The following CLINT1 variants were observed in gnomAD, a reference collection of about 807,000 sequenced individuals.
CLINT1 encodes clathrin interacting protein localized in the trans-Golgi region.
Under a neutral mutation model 70.4 loss-of-function variants are expected in CLINT1, and 15 were observed. That is an observed-to-expected ratio of 0.21 (90% CI 0.14 to 0.33). The LOEUF is 0.33. Among genes scored for constraint, CLINT1 ranks in the 10% least tolerant of loss-of-function variants. The pLI, the probability that CLINT1 is intolerant of heterozygous loss-of-function variation, is 1.00. For synonymous variants in CLINT1, 227 were observed against 254.7 expected, an observed-to-expected ratio of 0.89 and a Z score of 1.04; for missense variants, 615 against 778.1, an observed-to-expected ratio of 0.79 and a Z score of 2.49.
intron 1 of CLINT1, among the ~76,000 whole-genome samples, chr5:157,851,686 CAA>C (rs34229522): frequency 3.0e-4 from 27 of 88,930 alleles, no homozygotes; most frequent in Admixed American, 3.8e-4. Flanking sequence ...GACCCCGTCT[CAA>C]AAAAAAAAAA....
intron 1 of CLINT1, among the ~76,000 whole-genome samples, chr5:157,854,795 C>T (rs1014716592): frequency 6.6e-6 from 1 of 152,018 alleles, no homozygotes; most frequent in African/African-American, 2.4e-5. Flanking sequence ...AAATGGACTA[C>T]CCATAGCTGT....
chr5:157,851,080 C>T (rs1022424811), intron 1 of CLINT1, among the ~76,000 whole-genome samples: 4 of 152,268 alleles, frequency 2.6e-5, no homozygotes, highest in Non-Finnish European at 5.9e-5. Context: ...TTGTGAGCCA[C>T]GGCACCTGGC....
At chr5:157,816,851 T>C in intron 2 of CLINT1, 21 bp from the exon 3 acceptor site, 1 of 1,546,356 alleles carries the variant, frequency 6.5e-7, no homozygotes, top group Non-Finnish European at 8.9e-7. Context: ...AATCATTCTT[T>C]AAGAGTCTGC....
intron 5 of CLINT1, among the ~76,000 whole-genome samples, chr5:157,812,433 C>T (rs1561649480): frequency 6.6e-6 from 1 of 152,096 alleles, no homozygotes; most frequent in African/African-American, 2.4e-5. Context: ...CACCTATGCC[C>T]TATTTTAGAG....
intron 1 of CLINT1, among the ~76,000 whole-genome samples, chr5:157,846,304 A>G (rs914370050): frequency 6.6e-6 from 1 of 152,260 alleles, no homozygotes; most frequent in African/African-American, 2.4e-5. Flanking sequence ...AGTGAACACA[A>G]CAATGATAAG....
intron 1 of CLINT1, among the ~76,000 whole-genome samples, chr5:157,834,429 C>T (rs567938044): frequency 2.0e-5 from 3 of 151,754 alleles, no homozygotes; most frequent in Admixed American, 6.6e-5. Flanking sequence ...TTACTCTGTT[C>T]TGAGTAACAG....
At chr5:157,807,346 T>C (rs926889178) in intron 6 of CLINT1, among the ~76,000 whole-genome samples, 2 of 152,126 alleles carry the variant, frequency 1.3e-5, no homozygotes, top group African/African-American at 4.8e-5. Context: ...CCATTAGTCC[T>C]ACAAGTAAAA....
At chr5:157,850,553 G>A (rs561450591) in intron 1 of CLINT1, among the ~76,000 whole-genome samples, 2 of 139,220 alleles carry the variant, frequency 1.4e-5, no homozygotes, top group East Asian at 4.3e-4. Context: ...CAAGGCTGCA[G>A]TGAGTCAAGA....
intron 1 of CLINT1, among the ~76,000 whole-genome samples, chr5:157,818,467 T>TAAAAAAAA (rs929415179): frequency 2.2e-3 from 194 of 88,102 alleles, no homozygotes; most frequent in East Asian, 4.2e-3. Flanking sequence ...ACCTGGTCTC[T>TAAAAAAAA]AAAAAAAAAA....
chr5:157,837,289 C>A (rs1463916463), intron 1 of CLINT1, among the ~76,000 whole-genome samples: 1 of 152,068 alleles, frequency 6.6e-6, no homozygotes, highest in East Asian at 1.9e-4. Flanking sequence ...GTGGTCTCAG[C>A]TACATGGGAG....
intron 1 of CLINT1, among the ~76,000 whole-genome samples, chr5:157,839,681 C>A (rs1763556047): frequency 6.6e-6 from 1 of 151,686 alleles, no homozygotes; most frequent in South Asian, 2.1e-4. Flanking sequence ...GGTGATCCTG[C>A]ATATCAAGAA....
chr5:157,848,888 C>T (rs1465654526), intron 1 of CLINT1, among the ~76,000 whole-genome samples: 1 of 151,922 alleles, frequency 6.6e-6, no homozygotes, highest in Non-Finnish European at 1.5e-5. Context: ...TCTCGAACTC[C>T]TAACTTCAAG....
At chr5:157,802,357 A>C (rs1192565039) in intron 8 of CLINT1, among the ~76,000 whole-genome samples, 2 of 152,220 alleles carry the variant, frequency 1.3e-5, no homozygotes, top group Non-Finnish European at 2.9e-5. Flanking sequence ...CTATTTTGAC[A>C]CGTCACACAA....
At chr5:157,808,851 TTTAA>T (rs1417044032) in intron 6 of CLINT1, among the ~76,000 whole-genome samples, 1 of 151,970 alleles carries the variant, frequency 6.6e-6, no homozygotes, top group Non-Finnish European at 1.5e-5. Flanking sequence ...TTGACTTATG[TTTAA>T]TTAAACTTAA....
At chr5:157,840,191 T>TAA (rs1753116424) in intron 1 of CLINT1, among the ~76,000 whole-genome samples, 1 of 13,152 alleles carries the variant, frequency 7.6e-5, no homozygotes, top group Admixed American at 1.5e-3. Flanking sequence ...TGAGACTGCC[T>TAA]CAAAAAAAAA....
At chr5:157,801,877 A>C (rs1762232850) in intron 8 of CLINT1, among the ~76,000 whole-genome samples, 1 of 151,612 alleles carries the variant, frequency 6.6e-6, no homozygotes, top group African/African-American at 2.4e-5. Flanking sequence ...GCATAGACTT[A>C]CACTTAAAGG....
chr5:157,794,691 T>G (rs1442662876), intron 9 of CLINT1, among the ~76,000 whole-genome samples: 2 of 152,228 alleles, frequency 1.3e-5, no homozygotes. Context: ...TTTCTTTAGA[T>G]GTACCTGAGT....
chr5:157,790,464 C>T (rs979327932), intron 10 of CLINT1: 8 of 321,266 alleles, frequency 2.5e-5, no homozygotes, highest in Non-Finnish European at 3.6e-5. Flanking sequence ...AAAAAAGGAA[C>T]AGGAAGAGGA....
rs371405216 is a variant in CLINT1 at position 157,836,974 on chromosome 5, CAATA to C, written c.42-19431_42-19428del. 6.6e-4 allele frequency among the ~76,000 whole-genome samples: 100 copies of C among 152,318 alleles called. No homozygotes were observed. The East Asian group carries it at 0.017, about 26-fold the overall frequency. On this transcript the variant is annotated intron_variant, in intron 1 of 11. Transcript: ENST00000411809. ...AGTACCTACAAGAGTTGCAAATGAT[CAATA>C]AATACTCATTATATTAAAAAGCCAG...
Sources: gnomAD v4.1 joint callset for allele counts (sites outside exome capture counted in the v4.1 genomes callset) on GRCh38, gnomAD v4.1.1 for gene constraint, MANE v1.5 for transcripts, NCBI Gene and HGNC (gene_info 2026-07-23, HGNC 2026-07-21) for gene names.